The following PCDH11X variants were observed in gnomAD, a reference collection of about 807,000 sequenced individuals.
PCDH11X encodes protocadherin-11 X-linked.
Under a neutral mutation model 53.3 loss-of-function variants are expected in PCDH11X, and 18 were observed. The observed-to-expected ratio is 0.34, with a 90% CI of 0.23 to 0.50. The LOEUF (loss-of-function observed/expected upper bound fraction) is 0.50. Among genes scored for constraint, PCDH11X ranks in the 20% least tolerant of loss-of-function variants. The pLI is 0.98. For missense variants in PCDH11X, 570 were observed against 1,032.4 expected (o/e 0.55, Z 6.14); for synonymous variants, 279 against 393.3 (o/e 0.71, Z 3.44).
At chrX:92,337,581 G>C (rs911150266) in intron 8 of PCDH11X, among the ~76,000 whole-genome samples, 1 of 109,907 alleles carries the variant, frequency 9.1e-6, no homozygotes, top group African/African-American at 3.3e-5. Flanking sequence ...AAGAAAGAAA[G>C]ACATAATAAT....
chrX:92,402,411 A>T (rs1484603234), intron 9 of PCDH11X, among the ~76,000 whole-genome samples: 7 of 111,700 alleles, frequency 6.3e-5, no homozygotes, highest in African/African-American at 2.3e-4. Flanking sequence ...TAACCAAAAC[A>T]ACATGGTACT....
At chrX:91,874,013 C>A (rs1227080868) in intron 5 of PCDH11X, among the ~76,000 whole-genome samples, 1 of 111,094 alleles carries the variant, frequency 9.0e-6, no homozygotes, top group East Asian at 2.8e-4. Flanking sequence ...TGTTTACTCA[C>A]CACCATGACC....
chrX:91,949,401 G>A lies in PCDH11X; in HGVS notation c.3033+70128G>A, dbSNP rs567169510. Among the ~76,000 whole-genome samples the A allele has an allele frequency of 9.5e-4, 105 of 110,247 alleles. 3 individuals are homozygous for A. The South Asian group carries it at 0.04, about 42-fold the overall frequency. The stretch of plus-strand genomic sequence containing the variant: ...AATGCTGTCGCTTCTGAATAGATGA[G>A]ATAACCCTGAGAGATAATATTAATA... On this transcript the variant is annotated intron_variant, in intron 6 of 10. Coordinates refer to ENST00000682573, the MANE Select transcript of PCDH11X (RefSeq NM_032968.5).
At chrX:92,055,516 ATG>A (rs2148054341) in intron 6 of PCDH11X, among the ~76,000 whole-genome samples, 1 of 104,019 alleles carries the variant, frequency 9.6e-6, no homozygotes, top group Non-Finnish European at 2.0e-5. Context: ...TTCATATGAC[ATG>A]TGTTTGGGGC....
At chrX:92,571,243 G>A (rs1306154075) in intron 10 of PCDH11X, among the ~76,000 whole-genome samples, 1 of 110,888 alleles carries the variant, frequency 9.0e-6, no homozygotes, top group East Asian at 2.8e-4. Flanking sequence ...TTCCATTTAT[G>A]TATTATAAGG....
chrX:92,039,507 A>G (rs1342983382), intron 6 of PCDH11X, among the ~76,000 whole-genome samples: 1 of 109,671 alleles, frequency 9.1e-6, no homozygotes, highest in Non-Finnish European at 1.9e-5. Flanking sequence ...CCACCAGCCC[A>G]CAGGGATTTC....
In PCDH11X at chrX:91,863,209, C is replaced by A. The variant is rs376800012; in HGVS notation, c.541-13572C>A. ...AGTGCTAAAAGTGGGGCATTGAAGT[C>A]TCTAGCTATTATTGTACTTGGGACA... On this transcript the variant is annotated intron_variant, in intron 5 of 10. Transcript: ENST00000682573. 5.7e-5 allele frequency among the ~76,000 whole-genome samples: 6 copies of A among 106,111 alleles called. No individual in the cohort carries two copies. The East Asian group carries it at 1.8e-3, about 32-fold the overall frequency. 92.1% of individuals were successfully genotyped at this position (106,111 alleles called of 115,157 possible). A position where few individuals can be genotyped will look rare whatever the true frequency, so the allele number is the denominator to read the frequency against.
At chrX:92,368,755 G>A (rs1317554955) in intron 8 of PCDH11X, among the ~76,000 whole-genome samples, 1 of 109,879 alleles carries the variant, frequency 9.1e-6, no homozygotes, top group Non-Finnish European at 1.9e-5. Flanking sequence ...AAGCAGGCCT[G>A]TCTGCTGCAG....
At chrX:91,807,265 A>G (rs1246163142) in intron 1 of PCDH11X, among the ~76,000 whole-genome samples, 4 of 110,499 alleles carry the variant, frequency 3.6e-5, no homozygotes, top group Non-Finnish European at 7.6e-5. Flanking sequence ...GGATTGGTCA[A>G]GCCCCGGAGT....
chrX:91,965,669 TTATATC>T (rs1430427427), intron 6 of PCDH11X, among the ~76,000 whole-genome samples: 1 of 110,924 alleles, frequency 9.0e-6, no homozygotes, highest in East Asian at 2.8e-4. Context: ...TGATGTTTCT[TTATATC>T]TATTTCTTAA....
At chrX:92,122,922 G>A (rs930565838) in intron 6 of PCDH11X, among the ~76,000 whole-genome samples, 3 of 111,105 alleles carry the variant, frequency 2.7e-5, no homozygotes, top group Admixed American at 9.6e-5. Context: ...GAGCGACAGA[G>A]CGACACTCCA....
chrX:92,258,634 T>G (rs2067649717), intron 7 of PCDH11X, among the ~76,000 whole-genome samples: 1 of 111,731 alleles, frequency 9.0e-6, no homozygotes, highest in Admixed American at 9.4e-5. Context: ...CCCAAAGTGC[T>G]GGGATTACAG....
intron 7 of PCDH11X, among the ~76,000 whole-genome samples, chrX:92,230,508 A>C (rs2067053650): frequency 1.1e-5 from 1 of 93,435 alleles, no homozygotes; most frequent in Non-Finnish European, 2.1e-5. Flanking sequence ...TAATATCTAT[A>C]ATATATAATA....
At chrX:91,983,534 T>C (rs1219135913) in intron 6 of PCDH11X, 1 of 495,034 alleles carries the variant, frequency 2.0e-6, no homozygotes, top group Non-Finnish European at 3.6e-6. Flanking sequence ...GGCAGTGGGC[T>C]AGGAGGCGGC....
intron 6 of PCDH11X, among the ~76,000 whole-genome samples, chrX:92,031,673 A>G (rs1159645389): frequency 9.0e-6 from 1 of 111,502 alleles, no homozygotes; most frequent in Non-Finnish European, 1.9e-5. Context: ...GGTGAGAGAC[A>G]GGGATCTAGT....
chrX:92,438,679 G>A (rs2072445531), intron 9 of PCDH11X, among the ~76,000 whole-genome samples: 1 of 111,449 alleles, frequency 9.0e-6, no homozygotes, highest in South Asian at 3.8e-4. Flanking sequence ...TCACAGAGAA[G>A]GAGTTGAACC....
At chrX:91,821,706 CTA>C (rs1184262944) in intron 4 of PCDH11X, among the ~76,000 whole-genome samples, 1 of 103,526 alleles carries the variant, frequency 9.7e-6, no homozygotes, top group Non-Finnish European at 1.9e-5. Flanking sequence ...ACTTCCAACA[CTA>C]TGTTGAATAG....
chrX:91,905,649 C>CTAA (rs1284065744), intron 6 of PCDH11X, among the ~76,000 whole-genome samples: 1 of 110,782 alleles, frequency 9.0e-6, no homozygotes, highest in Non-Finnish European at 1.9e-5. Context: ...AAAGTAATGC[C>CTAA]TAATTAATAA....
At chrX:92,132,635 G>GTATATATA (rs796606879) in intron 6 of PCDH11X, among the ~76,000 whole-genome samples, 1 of 61,852 alleles carries the variant, frequency 1.6e-5, no homozygotes, top group Non-Finnish European at 2.9e-5. Context: ...ATATATATAT[G>GTATATATA]TATATATATA....
Sources: allele counts gnomAD v4.1 joint callset (sites outside exome capture counted in the v4.1 genomes callset), GRCh38; gene constraint gnomAD v4.1.1; transcripts MANE v1.5; gene names NCBI Gene and HGNC (gene_info 2026-07-23, HGNC 2026-07-21).